Variants in SBNO2 observed in about 807,000 individuals in gnomAD.
SBNO2 encodes the protein protein strawberry notch homolog 2.
Under a neutral mutation model 146.3 loss-of-function variants are expected in SBNO2, and 89 were observed. The observed-to-expected ratio is 0.61, with a 90% CI of 0.51 to 0.73. SBNO2 has a LOEUF of 0.73. Ranked by LOEUF, SBNO2 falls within the 30% of genes least tolerant of loss-of-function variation. The probability of loss-of-function intolerance (pLI) is 0.00; values close to 1 mark genes in which losing one functional copy is unlikely to be tolerated. For synonymous variants in SBNO2, 1,147 were observed against 892.6 expected (o/e 1.29, Z -5.08); for missense variants, 2,092 against 2,003.7 (o/e 1.04, Z -0.84).
chr19:1,133,422 G>T (rs2080053929), intron 4 of SBNO2, among the ~76,000 whole-genome samples: 1 of 152,140 alleles, frequency 6.6e-6, no homozygotes, highest in Non-Finnish European at 1.5e-5. Flanking sequence ...AGTGGGACCA[G>T]GGGGCCCTCA....
chr19:1,147,428 GAGA>G lies in SBNO2; in HGVS notation c.168-11_168-9del. ...GCGGAGCTCATGAACGGGCTGGAGG[GAGA>G]TGGGGGGGGGGGAGGTGAGATGGGG... On this transcript the variant is annotated splice_polypyrimidine_tract_variant and intron_variant, in intron 3 of 31. Transcript: ENST00000361757. 1 of 1,071,532 alleles carries G rather than the reference GAGA, an allele frequency of 9.3e-7. No homozygotes were observed. Among genetic ancestry groups the G allele is most frequent in the Non-Finnish European group, 1.3e-6 (1 of 780,224 alleles). The allele number at this position is 1,071,532 out of a possible 1,614,324, so 66.4% of individuals were successfully genotyped here.
chr19:1,152,028 T>C (rs943614524), intron 2 of SBNO2, among the ~76,000 whole-genome samples: 2 of 151,730 alleles, frequency 1.3e-5, no homozygotes, highest in Admixed American at 1.3e-4. Context: ...GTGTGCGAAC[T>C]CAGTCGACCC....
At chr19:1,141,579 G>A (rs1350985762) in intron 4 of SBNO2, among the ~76,000 whole-genome samples, 2 of 151,902 alleles carry the variant, frequency 1.3e-5, no homozygotes, top group African/African-American at 2.4e-5. Flanking sequence ...CTGGATCCAC[G>A]TGTCCTTCAT....
intron 4 of SBNO2, 143 bp from the exon 5 acceptor site, chr19:1,127,908 G>A (rs1047707330): frequency 1.4e-6 from 1 of 726,224 alleles, no homozygotes; most frequent in Admixed American, 2.5e-5. Flanking sequence ...GGCCCTCCCA[G>A]GTTCAAGCAA....
rs1429802703 is a variant in SBNO2 at position 1,126,643 on chromosome 19, GC to G, written c.441+960del. Among the ~76,000 whole-genome samples the G allele has an allele frequency of 6.6e-6, 1 of 152,304 alleles. No homozygotes were observed. Among genetic ancestry groups the G allele is most frequent in the East Asian group, 1.9e-4 (1 of 5,178 alleles). On this transcript the variant is annotated intron_variant, in intron 5 of 31. Transcript: ENST00000361757. The surrounding 1 kb of genome is among the most constrained non-coding windows in gnomAD (Gnocchi z 4.4). ...GGCCCCCAAGCCCGTGAGTTCTGCT[GC>G]CCGGGTTGCCCCTTCCTGAGGGCCC...
chr19:1,156,742 C>G (rs1198778691), intron 1 of SBNO2, among the ~76,000 whole-genome samples: 1 of 152,130 alleles, frequency 6.6e-6, no homozygotes, highest in Non-Finnish European at 1.5e-5. Flanking sequence ...TGAGAGACGC[C>G]AGGCACAGAT....
Position 1,122,279 on chromosome 19 carries a change from T to G in SBNO2, c.1009A>C (p.Lys337Gln). ...GIAVHALSKI[K>Q]YGDTTTSEGV... ...TCTGAGGTAGTGGTGTCACCGTACT[T>G]GATCTGGGGATGCACAGAACAGGTG... Residue 337 changes from lysine to glutamine, a missense_variant, in exon 11 of 32, where the codon AAG becomes CAG. By Grantham distance (53) the Lys-to-Gln change is moderately conservative. Transcript: ENST00000361757. 1 of 1,561,616 alleles carries G rather than the reference T, an allele frequency of 6.4e-7. No homozygotes were observed. Among genetic ancestry groups the G allele is most frequent in the Non-Finnish European group, 8.7e-7 (1 of 1,152,762 alleles).
At chr19:1,127,096 C>A (rs2079974262) in intron 5 of SBNO2, among the ~76,000 whole-genome samples, 5 of 152,236 alleles carry the variant, frequency 3.3e-5, no homozygotes. Context: ...GGGGACACGG[C>A]CACTGCTGAC....
In SBNO2 at chr19:1,136,057, T is replaced by C. The variant is rs553347476; in HGVS notation, c.280-8292A>G. On this transcript the variant is annotated intron_variant, in intron 4 of 31. Transcript: ENST00000361757. The surrounding 1 kb of genome is among the most constrained non-coding windows in gnomAD (Gnocchi z 4.2). ...CCGCACTGGCCGAGCGGGTGTTCTG[T>C]GCCTGGTGTCCTCATTCGAAGGAGA... is the stretch of plus-strand genomic sequence containing the variant. Among the ~76,000 whole-genome samples the C allele has an allele frequency of 6.6e-6, 1 of 150,670 alleles. No homozygotes were observed. The highest frequency in any genetic ancestry group is 2.4e-5 in the African/African-American group (1 of 41,096).
At chr19:1,113,865 T>C (rs967610443) in intron 18 of SBNO2, among the ~76,000 whole-genome samples, 161 bp from the exon 19 acceptor site, 3 of 152,186 alleles carry the variant, frequency 2.0e-5, no homozygotes, top group Non-Finnish European at 4.4e-5. Context: ...AGGACTGCTT[T>C]TCTGCACTTG....
chr19:1,149,107 T>G (rs1429872852), intron 3 of SBNO2, among the ~76,000 whole-genome samples: 1 of 127,316 alleles, frequency 7.9e-6, no homozygotes, highest in Non-Finnish European at 1.7e-5. Context: ...CCCTGGCCCA[T>G]AGCCCACACC....
Position 1,123,604 on chromosome 19 carries a change from G to T in SBNO2, c.558C>A (p.Asp186Glu). ...CCTCCGCCTCCTCCTCCTCAGCCTCGTCCTCCTCCTCTGGCTGGCTCTGCA... is the reference window on the plus strand; with the variant it reads ...CCTCCGCCTCCTCCTCCTCAGCCTCTTCCTCCTCCTCTGGCTGGCTCTGCA... ...QSVQSQPEEE[D>E]EAEEEEAEEL... is the part of the protein sequence containing the mutation. Residue 186 changes from aspartate to glutamate, a missense_variant, in exon 7 of 32, where the codon GAC becomes GAA. Coordinates refer to ENST00000361757, the MANE Select transcript of SBNO2 (RefSeq NM_014963.3). The T allele has an allele frequency of 6.2e-7, 1 of 1,613,264 alleles. No individual in the cohort carries two copies. The highest frequency in any genetic ancestry group is 8.5e-7 in the Non-Finnish European group (1 of 1,179,732).
At chr19:1,166,063 AGACCCCC>A (rs1568648214) in intron 1 of SBNO2, among the ~76,000 whole-genome samples, 364 of 92,212 alleles carry the variant, frequency 3.9e-3, no homozygotes, top group Non-Finnish European at 4.3e-3. Context: ...CCCAGACCCC[AGACCCCC>A]AGATCTCAGA....
Position 1,114,366 on chromosome 19 carries a change from C to G in SBNO2, c.1942G>C (p.Val648Leu), listed in dbSNP as rs367898243. 6.4e-7 allele frequency: 1 copy of G among 1,555,316 alleles called. No individual in the cohort carries two copies. The highest frequency in any genetic ancestry group is 1.2e-5 in the South Asian group (1 of 84,334). Residue 648 changes from valine to leucine, a missense_variant, in exon 18 of 32, where the codon GTC becomes CTC. By Grantham distance (32) the Val-to-Leu change is conservative (BLOSUM62 1). Coordinates refer to ENST00000361757, the MANE Select transcript of SBNO2 (RefSeq NM_014963.3). ...CTGCTGTCGTCACTGATGCGGATGA[C>G]GCCCGCTGTCTCGCACGCCAGCCGG... ...APRLACETAG[V>L]IRISDDSSTE...
Position 1,110,779 on chromosome 19 carries a change from G to C in SBNO2, c.2994C>G (p.Asp998Glu). 1 of 1,613,616 alleles carries C rather than the reference G, an allele frequency of 6.2e-7. No individual in the cohort carries two copies. Among genetic ancestry groups the C allele is most frequent in the Non-Finnish European group, 8.5e-7 (1 of 1,179,772 alleles). The change falls in exon 26 of 32, where the codon GAC (aspartate) becomes GAG (glutamate). Residue 998 changes from aspartate (D) to glutamate (E), a missense_variant. Asp to Glu is a conservative substitution (Grantham distance 45). Transcript: ENST00000361757. This position sits in a 1 kb window ranked among gnomAD's most constrained non-coding sequence, Gnocchi z 4.9. ...CCATGTCGTATTTGCCCTCCCGCTTGTCCATCTCGATGAGGTGGTCGAAGG... is the reference window on the plus strand; with the variant it reads ...CCATGTCGTATTTGCCCTCCCGCTTCTCCATCTCGATGAGGTGGTCGAAGG... ...SDTFDHLIEM[D>E]KREGKYDMGI...
At chr19:1,117,110 C>T (rs899833173) in intron 15 of SBNO2, among the ~76,000 whole-genome samples, 184 bp from the exon 16 acceptor site, 6 of 152,172 alleles carry the variant, frequency 3.9e-5, no homozygotes, top group South Asian at 2.1e-4. Context: ...CTGCCTGTCT[C>T]GGGATGGTGA....
Position 1,141,869 on chromosome 19 carries a change from C to T in SBNO2, c.279+5440G>A, listed in dbSNP as rs4806984. Among the ~76,000 whole-genome samples the T allele has an allele frequency of 4.8e-3, 725 of 152,224 alleles. 16 individuals carry two copies. The East Asian group carries it at 0.07, about 15-fold the overall frequency. ...AACCCCTGGGCTCAAACAATCCTCC[C>T]GCCTTGGCCTCCCAAAGTGCTGGGA... is the stretch of plus-strand genomic sequence containing the variant. On this transcript the variant is annotated intron_variant, in intron 4 of 31. Transcript: ENST00000361757.
Position 1,150,910 on chromosome 19 carries a change from G to T in SBNO2, c.94-1468C>A, listed in dbSNP as rs2080236727. 6.6e-6 allele frequency among the ~76,000 whole-genome samples: 1 copy of T among 152,130 alleles called. No homozygotes were observed. Among genetic ancestry groups the T allele is most frequent in the Admixed American group, 6.5e-5 (1 of 15,276 alleles). ...GGGTGACCGCTGCCCCGCTCCTCCAGCTTTTGCATAAAATAAGTTTATCAG... is the reference window on the plus strand; with the variant it reads ...GGGTGACCGCTGCCCCGCTCCTCCATCTTTTGCATAAAATAAGTTTATCAG... On this transcript the variant is annotated intron_variant, in intron 2 of 31. Coordinates refer to ENST00000361757, the MANE Select transcript of SBNO2 (RefSeq NM_014963.3). The surrounding 1 kb of genome is among the most constrained non-coding windows in gnomAD (Gnocchi z 6.2).
In SBNO2 at chr19:1,108,882, C is replaced by G. The variant is rs751586508; in HGVS notation, c.3513G>C (p.Leu1171=). 2.5e-6 allele frequency: 4 copies of G among 1,589,908 alleles called. No individual in the cohort carries two copies. The highest frequency in any genetic ancestry group is 3.4e-6 in the Non-Finnish European group (4 of 1,175,148). The change falls in exon 31 of 32, where the codon CTG becomes CTC. Residue 1171 remains leucine (L), a synonymous_variant. Coordinates refer to ENST00000361757, the MANE Select transcript of SBNO2 (RefSeq NM_014963.3). ...CGGCGATGCGGCCCCACACGCGCAGCAGCGCGCCGCACAGCATGTAGTGGT... is the reference window on the plus strand; with the variant it reads ...CGGCGATGCGGCCCCACACGCGCAGGAGCGCGCCGCACAGCATGTAGTGGT... The part of the protein sequence containing the change: ...LRHHYMLCGA[L]LRVWGRIAAV...
Sources: allele counts gnomAD v4.1 joint callset (sites outside exome capture counted in the v4.1 genomes callset), GRCh38; gene constraint gnomAD v4.1.1; non-coding constraint Gnocchi (gnomAD v3.1); transcripts MANE v1.5; gene names NCBI Gene and HGNC (gene_info 2026-07-23, HGNC 2026-07-21).